The following ANP32E variants were observed in gnomAD, a reference collection of about 807,000 sequenced individuals.
ANP32E encodes the protein acidic nuclear phosphoprotein 32 family member E, also known as acidic leucine-rich nuclear phosphoprotein 32 family member E.
A neutral mutation model predicts 35.3 loss-of-function variants in ANP32E; 14 were observed. That is an observed-to-expected ratio of 0.40 (90% confidence interval 0.26 to 0.62). The LOEUF (loss-of-function observed/expected upper bound fraction) is 0.62, where lower values mean the gene tolerates loss of function less well. ANP32E is among the 20% of genes least tolerant of loss of function. The pLI is 0.45. For missense variants in ANP32E, 198 were observed against 304.4 expected, an observed-to-expected ratio of 0.65 and a Z score of 2.60; for synonymous variants, 89 against 110.4, an observed-to-expected ratio of 0.81 and a Z score of 1.22.
In ANP32E at chr1:150,226,715, CCTCTT is replaced by C. The variant is rs782377847; in HGVS notation, c.569_573del (p.Glu190GlyfsTer5). 22 of 1,585,812 alleles carry C rather than the reference CCTCTT, an allele frequency of 1.4e-5. No individual in the cohort carries two copies. The Middle Eastern group carries it at 1.2e-3, about 84-fold the overall frequency. ...TCATCCTCATCCTCATCCTCCTCTT[CCTCTT>C]CCTCCTCCTCTTCCTCATATCCTTC... On this transcript the variant is annotated frameshift_variant, in exon 5 of 7. Coordinates refer to ENST00000583931, the MANE Select transcript of ANP32E (RefSeq NM_030920.5). LOFTEE classifies it high-confidence loss of function.
intron 1 of ANP32E, among the ~76,000 whole-genome samples, chr1:150,232,269 G>C (rs1476070261): frequency 5.5e-4 from 79 of 143,398 alleles, no homozygotes; most frequent in African/African-American, 2.0e-3. Flanking sequence ...GCGTGAACCC[G>C]GGAGGCGGAG....
chr1:150,228,965 G>C (rs1649111439), intron 4 of ANP32E, 107 bp downstream of exon 4: 1 of 947,342 alleles, frequency 1.1e-6, no homozygotes, highest in Non-Finnish European at 1.6e-6. Flanking sequence ...CTAATATCTT[G>C]TTGTGGATTT....
rs1339242877 is a variant in ANP32E at position 150,225,665 on chromosome 1, T to TCAAAAAAAAAAAAAAAAAAAAAAAAAAAA, written c.681+942_681+943insTTTTTTTTTTTTTTTTTTTTTTTTTTTTG. Among the ~76,000 whole-genome samples, 4 of 83,536 alleles carry TCAAAAAAAAAAAAAAAAAAAAAAAAAAAA rather than the reference T, an allele frequency of 4.8e-5. 2 individuals are homozygous for TCAAAAAAAAAAAAAAAAAAAAAAAAAAAA. Among genetic ancestry groups the TCAAAAAAAAAAAAAAAAAAAAAAAAAAAA allele is most frequent in the Non-Finnish European group, 8.4e-5 (4 of 47,680 alleles). 54.8% of individuals were successfully genotyped at this position (83,536 alleles called of 152,430 possible). ...CAGCCTGGGCAACAGAGTGAGACTG[T>TCAAAAAAAAAAAAAAAAAAAAAAAAAAAA]AACAAAAAAAAAAAAAAAAAAAAAA... On this transcript the variant is annotated intron_variant, in intron 5 of 6. Coordinates refer to ENST00000583931, the MANE Select transcript of ANP32E (RefSeq NM_030920.5).
chr1:150,232,276 G>A (rs1215522404), intron 1 of ANP32E, among the ~76,000 whole-genome samples: 2 of 141,580 alleles, frequency 1.4e-5, no homozygotes, highest in East Asian at 4.3e-4. Context: ...CCCGGGAGGC[G>A]GAGCTTGCAG....
At position 150,218,451 on chromosome 1, in the gene ANP32E, C is replaced by A. The variant is rs1287080066; in HGVS notation, c.*2240G>T. 1 of 152,358 alleles carries A rather than the reference C, an allele frequency of 6.6e-6. No individual in the cohort carries two copies. Among genetic ancestry groups the A allele is most frequent in the African/African-American group, 2.4e-5 (1 of 41,384 alleles). The allele number at this position is 152,358 out of a possible 1,614,324, so 9.4% of individuals were successfully genotyped here. ...TAACAAATCTTCAATTTATTTGAAG[C>A]AATTCAGTTTCAAAAACTTTAAGTT... On this transcript the variant is annotated 3_prime_UTR_variant, in exon 7 of 7. Transcript: ENST00000583931.
rs782045947 is a variant in ANP32E at position 150,220,180 on chromosome 1, CA to C, written c.*510del. ...CTTCTATTTTCCAAGTTACTTGTGA[CA>C]AAAAAGCAACCAAACACTCTTAGTC... On this transcript the variant is annotated 3_prime_UTR_variant, in exon 7 of 7. Coordinates refer to ENST00000583931, the MANE Select transcript of ANP32E (RefSeq NM_030920.5). The C allele has an allele frequency of 2.4e-5, 1 of 41,444 alleles. No homozygotes were observed. The highest frequency in any genetic ancestry group is 8.6e-4 in the South Asian group (1 of 1,166). 2.6% of individuals were successfully genotyped at this position (41,444 alleles called of 1,614,324 possible). A position where few individuals can be genotyped will look rare whatever the true frequency, so the allele number is the denominator to read the frequency against.
At position 150,220,024 on chromosome 1, in the gene ANP32E, C is replaced by A. The variant is rs1236524965; in HGVS notation, c.*667G>T. The stretch of plus-strand genomic sequence containing the variant: ...AAGGGCTCACCTGCATGTCTCTGGA[C>A]TTAGTATAAGCAATTTTTCCTTCAA... On this transcript the variant is annotated 3_prime_UTR_variant, in exon 7 of 7. Coordinates refer to ENST00000583931, the MANE Select transcript of ANP32E (RefSeq NM_030920.5). The A allele has an allele frequency of 1.3e-5, 2 of 152,092 alleles. No homozygotes were observed. Among genetic ancestry groups the A allele is most frequent in the African/African-American group, 4.8e-5 (2 of 41,414 alleles). The allele number at this position is 152,092 out of a possible 1,614,324, so 9.4% of individuals were successfully genotyped here.
At position 150,230,553 on chromosome 1, in the gene ANP32E, C is replaced by A; in HGVS notation, c.327+18G>T. 1 of 1,577,882 alleles carries A rather than the reference C, an allele frequency of 6.3e-7. No individual in the cohort carries two copies. Among genetic ancestry groups the A allele is most frequent in the Non-Finnish European group, 8.6e-7 (1 of 1,163,776 alleles). The stretch of plus-strand genomic sequence containing the variant: ...TAACCAAAAAAAGCAAGTCCAGAGA[C>A]AAAACTGTTCCACTTACCAGAGCTT... On this transcript the variant is annotated intron_variant, in intron 3 of 6. Coordinates refer to ENST00000583931, the MANE Select transcript of ANP32E (RefSeq NM_030920.5).
Position 150,220,365 on chromosome 1 carries a change from T to C in ANP32E, c.*326A>G, listed in dbSNP as rs1648243927. On this transcript the variant is annotated 3_prime_UTR_variant, in exon 7 of 7. Coordinates refer to ENST00000583931, the MANE Select transcript of ANP32E (RefSeq NM_030920.5). The stretch of plus-strand genomic sequence containing the variant: ...TATAAATAAGGAATGAAATGCACCA[T>C]ACTACACCTGTGTAAAAGTGATCAT... 2 of 226,232 alleles carry C rather than the reference T, an allele frequency of 8.8e-6. No individual in the cohort carries two copies. Among genetic ancestry groups the C allele is most frequent in the Non-Finnish European group, 1.8e-5 (2 of 112,978 alleles). 14.0% of individuals were successfully genotyped at this position (226,232 alleles called of 1,614,324 possible).
intron 5 of ANP32E, 39 bp from the exon 6 acceptor site, chr1:150,223,279 CAT>C (rs782106463): frequency 1.1e-4 from 162 of 1,513,338 alleles, no homozygotes; most frequent in Middle Eastern, 5.1e-4. Flanking sequence ...TTGAAAAATC[CAT>C]ATGATTTTTC....
intron 5 of ANP32E, among the ~76,000 whole-genome samples, chr1:150,223,751 A>T (rs868985097): frequency 0.021 from 2,317 of 112,304 alleles, 59 homozygotes; most frequent in African/African-American, 0.065. Flanking sequence ...TTATTTATTT[A>T]TTTTTTTTTT....
intron 1 of ANP32E, among the ~76,000 whole-genome samples, chr1:150,232,151 C>G (rs1397150982): frequency 6.6e-6 from 1 of 151,252 alleles, no homozygotes; most frequent in African/African-American, 2.4e-5. Context: ...GAGACCATCC[C>G]GGCTAAAACG....
At chr1:150,223,972 C>T (rs1455005197) in intron 5 of ANP32E, among the ~76,000 whole-genome samples, 2 of 151,800 alleles carry the variant, frequency 1.3e-5, no homozygotes, top group East Asian at 3.9e-4. Flanking sequence ...CTCAAACTCC[C>T]GACCTCAAGT....
In ANP32E at chr1:150,235,518, A is replaced by C. The variant is rs1649709841; in HGVS notation, c.54+215T>G. On this transcript the variant is annotated intron_variant, in intron 1 of 6. Transcript: ENST00000583931. This position sits in a 1 kb window ranked among gnomAD's most constrained non-coding sequence, Gnocchi z 4.2. ...CGAAAGGAGCTAAGCCCCCATGCAC[A>C]CACAAAAACGCCCCTAGAAACTTCA... 6.6e-6 allele frequency among the ~76,000 whole-genome samples: 1 copy of C among 152,222 alleles called. No homozygotes were observed.
chr1:150,221,160 A>C (rs1195759412), intron 6 of ANP32E, among the ~76,000 whole-genome samples: 1 of 144,056 alleles, frequency 6.9e-6, no homozygotes, highest in Non-Finnish European at 1.5e-5. Context: ...AAAATTGGCC[A>C]GGTAAGGTGG....
chr1:150,223,960 G>A (rs1393826007), intron 5 of ANP32E, among the ~76,000 whole-genome samples: 2 of 151,820 alleles, frequency 1.3e-5, no homozygotes, highest in Non-Finnish European at 2.9e-5. Flanking sequence ...GGTCAGGCTG[G>A]TCTCAAACTC....
chr1:150,236,063 TAC>T lies in ANP32E; in HGVS notation c.-279_-278del. 3.0e-4 allele frequency: 115 copies of T among 380,208 alleles called. No individual in the cohort carries two copies. The highest frequency in any genetic ancestry group is 6.8e-4 in the Middle Eastern group (1 of 1,464). 23.6% of individuals were successfully genotyped at this position (380,208 alleles called of 1,614,324 possible). A position where few individuals can be genotyped will look rare whatever the true frequency, so the allele number is the denominator to read the frequency against. On this transcript the variant is annotated 5_prime_UTR_variant, in exon 1 of 7. Transcript: ENST00000583931. The stretch of plus-strand genomic sequence containing the variant: ...GCGCGCACACACATACACACACACA[TAC>T]ACACACACACCCGCAGTTCCTTCCC...
chr1:150,234,815 C>G, intron 1 of ANP32E: 1 of 270,326 alleles, frequency 3.7e-6, no homozygotes, highest in Non-Finnish European at 5.7e-6. Context: ...CGCCTCCTAC[C>G]CGACCCCCGA....
At chr1:150,228,120 T>G (rs1331782043) in intron 4 of ANP32E, among the ~76,000 whole-genome samples, 1 of 151,648 alleles carries the variant, frequency 6.6e-6, no homozygotes. Context: ...TTTTTTGTTT[T>G]GTTTTTGAGA....
Sources: allele counts gnomAD v4.1 joint callset (sites outside exome capture counted in the v4.1 genomes callset), GRCh38; gene constraint gnomAD v4.1.1; non-coding constraint Gnocchi (gnomAD v3.1); transcripts MANE v1.5; gene names NCBI Gene and HGNC (gene_info 2026-07-23, HGNC 2026-07-21).